The following UNC5C variants were observed in gnomAD, a reference collection of about 807,000 sequenced individuals.
UNC5C encodes unc-5 netrin receptor C.
In UNC5C, 47 loss-of-function variants were observed where a neutral mutation model predicts 99.8. The ratio of observed to expected loss-of-function variants is 0.47; its 90% CI spans 0.37 to 0.60. The LOEUF is 0.60. Among genes scored for constraint, UNC5C ranks in the 20% least tolerant of loss-of-function variants. The pLI is 0.00. For synonymous variants in UNC5C, 487 were observed against 452.2 expected (o/e 1.08, Z -0.98); for missense variants, 1,062 against 1,165.9 (o/e 0.91, Z 1.30).
intron 3 of UNC5C, among the ~76,000 whole-genome samples, chr4:95,284,504 A>G (rs1741166005): frequency 6.6e-6 from 1 of 152,190 alleles, no homozygotes; most frequent in African/African-American, 2.4e-5. Flanking sequence ...TGAAGACAAC[A>G]GCTTATAATA....
chr4:95,339,306 G>A (rs967588321), intron 1 of UNC5C, among the ~76,000 whole-genome samples: 1 of 151,928 alleles, frequency 6.6e-6, no homozygotes, highest in African/African-American at 2.4e-5. Flanking sequence ...TCCAAAATAA[G>A]TAAAATCCCT....
At chr4:95,477,914 C>T (rs919912570) in intron 1 of UNC5C, among the ~76,000 whole-genome samples, 4 of 151,972 alleles carry the variant, frequency 2.6e-5, no homozygotes, top group African/African-American at 9.7e-5. Flanking sequence ...ATGAGGTAGC[C>T]TGTCTCTGGG....
chr4:95,290,253 A>G (rs1312912122), intron 3 of UNC5C, among the ~76,000 whole-genome samples: 2 of 152,064 alleles, frequency 1.3e-5, no homozygotes, highest in African/African-American at 4.8e-5. Context: ...GGTGCAGTGA[A>G]CTATGCTCAT....
rs370689266 is a variant in UNC5C, at chr4:95,295,222, C to A, written c.490+6384G>T. The stretch of plus-strand genomic sequence containing the variant: ...TAACAAGAGACACTGGAAGAAACAA[C>A]CCCATGATGACACTGGGAGCTGTAT... On this transcript the variant is annotated intron_variant, in intron 3 of 15. Transcript: ENST00000453304. Among the ~76,000 whole-genome samples the A allele has an allele frequency of 1.6e-4, 24 of 152,312 alleles. No homozygotes were observed. In the South Asian group the frequency reaches 4.4e-3, roughly 28 times the overall value.
intron 12 of UNC5C, among the ~76,000 whole-genome samples, chr4:95,186,669 T>TC (rs1191754977): frequency 2.0e-5 from 3 of 152,138 alleles, no homozygotes; most frequent in African/African-American, 7.2e-5. Context: ...AGACAGGGCG[T>TC]CCTCTAGTTA....
At chr4:95,417,474 C>A (rs916363068) in intron 1 of UNC5C, among the ~76,000 whole-genome samples, 6 of 152,024 alleles carry the variant, frequency 3.9e-5, no homozygotes, top group African/African-American at 1.2e-4. Flanking sequence ...TCCTGATGAC[C>A]ATTTTGTAAT....
chr4:95,518,849 G>C (rs962386519), intron 1 of UNC5C, among the ~76,000 whole-genome samples: 10 of 152,096 alleles, frequency 6.6e-5, no homozygotes, highest in Admixed American at 6.6e-4. Context: ...TTTTTTAAAG[G>C]AGGATCTAGT....
intron 1 of UNC5C, among the ~76,000 whole-genome samples, chr4:95,397,248 A>G (rs1415305562): frequency 3.3e-5 from 5 of 152,256 alleles, no homozygotes; most frequent in Admixed American, 1.3e-4. Flanking sequence ...TCTGAAAAAT[A>G]TAAGTGCTTT....
intron 4 of UNC5C, among the ~76,000 whole-genome samples, chr4:95,258,848 G>T (rs997606301): frequency 3.7e-5 from 5 of 136,358 alleles, no homozygotes; most frequent in Non-Finnish European, 6.1e-5. Context: ...TGCAAGCTCC[G>T]CTTCCCGGGT....
intron 7 of UNC5C, among the ~76,000 whole-genome samples, chr4:95,229,057 C>A (rs1738800889): frequency 6.6e-6 from 1 of 152,062 alleles, no homozygotes; most frequent in Admixed American, 6.5e-5. Flanking sequence ...TCATTTCCCT[C>A]AAAAATGATG....
rs138105524 is a variant in UNC5C at position 95,383,038 on chromosome 4, G to C, written c.125-47407C>G. Reference sequence around the variant, plus strand: ...TCCCCAAATTTCCATTTACTGTATTGTTAGCAGGATATGATAACAGAGGCC... The same window carrying C: ...TCCCCAAATTTCCATTTACTGTATTCTTAGCAGGATATGATAACAGAGGCC... On this transcript the variant is annotated intron_variant, in intron 1 of 15. Coordinates refer to ENST00000453304, the MANE Select transcript of UNC5C (RefSeq NM_003728.4). 1.9e-3 allele frequency among the ~76,000 whole-genome samples: 283 copies of C among 152,228 alleles called. 1 individual carries two copies. The highest frequency in any genetic ancestry group is 6.3e-3 in the African/African-American group (262 of 41,552).
At chr4:95,242,659 C>G (rs1739369499) in intron 6 of UNC5C, 66 bp from the exon 7 acceptor site, 2 of 1,444,186 alleles carry the variant, frequency 1.4e-6, no homozygotes, top group Non-Finnish European at 1.8e-6. Flanking sequence ...TGGAGCAGAG[C>G]TCAAATATAA....
chr4:95,462,141 C>T (rs879713176), intron 1 of UNC5C, among the ~76,000 whole-genome samples: 2 of 151,940 alleles, frequency 1.3e-5, no homozygotes, highest in South Asian at 2.1e-4. Context: ...TAACCATTAC[C>T]GCATGGGCAA....
At chr4:95,250,943 C>T (rs1316213264) in intron 4 of UNC5C, among the ~76,000 whole-genome samples, 2 of 152,154 alleles carry the variant, frequency 1.3e-5, no homozygotes, top group African/African-American at 4.8e-5. Flanking sequence ...TTGGGAAATA[C>T]AGTGTTCAAA....
At chr4:95,544,340 TG>T (rs1447188354) in intron 1 of UNC5C, among the ~76,000 whole-genome samples, 2 of 152,114 alleles carry the variant, frequency 1.3e-5, no homozygotes, top group African/African-American at 4.8e-5. Context: ...CTAAGTAAAA[TG>T]CTGTTGCAAC....
At chr4:95,407,617 T>C (rs866081471) in intron 1 of UNC5C, among the ~76,000 whole-genome samples, 167 of 152,206 alleles carry the variant, frequency 1.1e-3, no homozygotes, top group African/African-American at 3.9e-3. Flanking sequence ...TATGTAGAAA[T>C]CTAAGGATGA....
At chr4:95,224,408 C>T (rs1191190123) in intron 7 of UNC5C, among the ~76,000 whole-genome samples, 1 of 152,218 alleles carries the variant, frequency 6.6e-6, no homozygotes, top group African/African-American at 2.4e-5. Flanking sequence ...TAAAGCAGTT[C>T]TGAGTTTTTT....
At chr4:95,455,024 T>C (rs755018263) in intron 1 of UNC5C, among the ~76,000 whole-genome samples, 7 of 152,116 alleles carry the variant, frequency 4.6e-5, no homozygotes, top group East Asian at 1.9e-4. Flanking sequence ...GAAATTATAC[T>C]GCTCTCTTAA....
chr4:95,178,343 C>A (rs1005705428), intron 14 of UNC5C, among the ~76,000 whole-genome samples: 6 of 152,232 alleles, frequency 3.9e-5, no homozygotes, highest in African/African-American at 9.6e-5. Flanking sequence ...GGCGAGCATA[C>A]CCTAGGCGTC....
Sources: gnomAD v4.1 joint callset for allele counts (sites outside exome capture counted in the v4.1 genomes callset) on GRCh38, gnomAD v4.1.1 for gene constraint, MANE v1.5 for transcripts, NCBI Gene and HGNC (gene_info 2026-07-23, HGNC 2026-07-21) for gene names.